The following EFHB variants were observed in gnomAD, a reference collection of about 807,000 sequenced individuals.
The protein encoded by EFHB is EF-hand domain-containing family member B.
A neutral mutation model predicts 87.2 loss-of-function variants in EFHB; 91 were observed. The ratio of observed to expected loss-of-function variants is 1.04; its 90% CI spans 0.88 to 1.24. EFHB has a LOEUF of 1.24. Ranked by LOEUF, EFHB falls within the 50% of genes most tolerant of loss-of-function variation. The pLI is 0.00. For missense variants in EFHB, 1,084 were observed against 998.8 expected (o/e 1.09, Z -1.15); for synonymous variants, 325 against 333.6 (o/e 0.97, Z 0.28).
chr3:19,925,641 T>C (rs1326674624), intron 1 of EFHB, among the ~76,000 whole-genome samples: 2 of 152,204 alleles, frequency 1.3e-5, no homozygotes, highest in African/African-American at 4.8e-5. Flanking sequence ...GACACCTTGC[T>C]TGGCCACCTC....
At chr3:19,896,169 G>T in intron 9 of EFHB, among the ~76,000 whole-genome samples, 1 of 152,134 alleles carries the variant, frequency 6.6e-6, no homozygotes, top group East Asian at 1.9e-4. Context: ...GCTACCCATT[G>T]CCCCTTGCTC....
chr3:19,905,530 A>G, intron 6 of EFHB, 90 bp downstream of exon 6: 4 of 1,364,764 alleles, frequency 2.9e-6, no homozygotes, highest in Middle Eastern at 2.4e-4. Flanking sequence ...TCATTTTATT[A>G]CCTCTTCAAA....
At chr3:19,921,052 T>C (rs371800962) in intron 1 of EFHB, among the ~76,000 whole-genome samples, 33 of 151,886 alleles carry the variant, frequency 2.2e-4, no homozygotes, top group East Asian at 7.7e-4. Context: ...CCTCCGAAAA[T>C]AAATAAATAA....
intron 9 of EFHB, among the ~76,000 whole-genome samples, chr3:19,889,488 A>C (rs1371378990): frequency 2.0e-5 from 3 of 152,200 alleles, no homozygotes; most frequent in African/African-American, 7.2e-5. Flanking sequence ...TCCCAAGAGG[A>C]ATCATAAATG....
intron 5 of EFHB, among the ~76,000 whole-genome samples, chr3:19,913,257 A>T (rs74606853): frequency 0.017 from 2,515 of 152,312 alleles, 65 homozygotes; most frequent in African/African-American, 0.056. Context: ...AAGAGGCCAA[A>T]TTACCCTTAT....
At chr3:19,941,356 G>A (rs553487701) in intron 1 of EFHB, 1 of 181,724 alleles carries the variant, frequency 5.5e-6, no homozygotes, top group East Asian at 1.6e-4. Context: ...GCTCAAGAAA[G>A]AGTGTACTTA....
At chr3:19,918,061 C>T (rs189219316) in intron 4 of EFHB, among the ~76,000 whole-genome samples, 171 bp downstream of exon 4, 3 of 152,304 alleles carry the variant, frequency 2.0e-5, no homozygotes, top group African/African-American at 4.8e-5. Flanking sequence ...CATACATACA[C>T]GTCAAGGATT....
At chr3:19,889,312 G>A (rs1694219857) in intron 9 of EFHB, among the ~76,000 whole-genome samples, 1 of 152,164 alleles carries the variant, frequency 6.6e-6, no homozygotes, top group East Asian at 1.9e-4. Flanking sequence ...GTCAACAGCT[G>A]GGACATCTTA....
chr3:19,900,014 A>C (rs1694617497), intron 6 of EFHB, among the ~76,000 whole-genome samples: 1 of 152,202 alleles, frequency 6.6e-6, no homozygotes, highest in Non-Finnish European at 1.5e-5. Flanking sequence ...CTGAGGTTGC[A>C]GTGAGCTGAG....
At chr3:19,915,683 G>A (rs915413322) in intron 4 of EFHB, among the ~76,000 whole-genome samples, 1 of 151,872 alleles carries the variant, frequency 6.6e-6, no homozygotes, top group South Asian at 2.1e-4. Flanking sequence ...ACTTTGGGAG[G>A]CCAAGGAGGG....
Position 19,888,596 on chromosome 3 carries a change from T to G in EFHB, c.1781A>C (p.Asn594Thr), listed in dbSNP as rs1027670980. The change falls in exon 10 of 13, where the codon AAC (asparagine) becomes ACC (threonine). Residue 594 changes from asparagine to threonine, a missense_variant. Physicochemically the swap from Asn to Thr is moderately conservative, Grantham distance 65. Coordinates refer to ENST00000295824, the MANE Select transcript of EFHB (RefSeq NM_144715.4). Reference protein sequence around the residue: ...DELQEACDQANLSLDDKLLDQ... With the variant: ...DELQEACDQATLSLDDKLLDQ... ...CAGGAGCTTGTCATCTAAACTCAAG[T>G]TGGCCTGGTCACAAGCTTCCTGCAG... The G allele has an allele frequency of 7.5e-6, 12 of 1,607,486 alleles. No individual in the cohort carries two copies. Among genetic ancestry groups the G allele is most frequent in the Non-Finnish European group, 1.0e-5 (12 of 1,176,712 alleles).
chr3:19,926,666 T>TTTATTTC (rs1334200231), intron 1 of EFHB, among the ~76,000 whole-genome samples: 1 of 91,468 alleles, frequency 1.1e-5, no homozygotes, highest in African/African-American at 4.6e-5. Context: ...AGCCTGCTTT[T>TTTATTTC]TTATTTTTAT....
rs1157004030 is a variant in EFHB, at chr3:19,882,809, A to G, written c.2147-78T>C. 3.9e-6 allele frequency: 5 copies of G among 1,268,822 alleles called. No individual in the cohort carries two copies. In the Admixed American group the frequency reaches 1.1e-4, roughly 27 times the overall value. The allele number at this position is 1,268,822 out of a possible 1,614,324, so 78.6% of individuals were successfully genotyped here. On this transcript the variant is annotated intron_variant, in intron 11 of 12. Coordinates refer to ENST00000295824, the MANE Select transcript of EFHB (RefSeq NM_144715.4). ...CACAGTAGCCACCAGTCACATGTGC[A>G]TACTGAGCACTTAAAATGTAGCTAG...
upstream of EFHB, chr3:19,936,335 C>T (rs115227010): frequency 5.6e-3 from 2,164 of 384,936 alleles, 39 homozygotes; most frequent in African/African-American, 0.072. Context: ...GGGCGACAGA[C>T]TGAAAAAAAA....
At chr3:19,939,685 TG>T (rs1696112461) in intron 1 of EFHB, among the ~76,000 whole-genome samples, 2 of 151,950 alleles carry the variant, frequency 1.3e-5, no homozygotes, top group African/African-American at 4.8e-5. Context: ...CACCCGCCCA[TG>T]GGTCTCCCTC....
chr3:19,915,978 C>CA (rs936306791), intron 4 of EFHB, among the ~76,000 whole-genome samples: 15 of 149,904 alleles, frequency 1.0e-4, no homozygotes, highest in East Asian at 7.9e-4. Flanking sequence ...ACTTTCATCT[C>CA]AAAAAAAAAC....
chr3:19,884,353 CAG>C, intron 11 of EFHB, 48 bp downstream of exon 11: 3 of 1,537,748 alleles, frequency 2.0e-6, no homozygotes, highest in Non-Finnish European at 2.7e-6. Flanking sequence ...CAAGGACAGA[CAG>C]AGGACAGTTT....
intron 6 of EFHB, among the ~76,000 whole-genome samples, chr3:19,899,934 G>A (rs893889751): frequency 5.3e-5 from 8 of 151,960 alleles, no homozygotes; most frequent in South Asian, 4.1e-4. Flanking sequence ...CTAGCTGGGC[G>A]TGGTGGCATG....
Position 19,940,518 on chromosome 3 carries a change from CTCATCT to C in EFHB, c.-31-4190_-31-4185del, listed in dbSNP as rs1243326288. ...CATCGTGAATCTTGCCTTGAAGTTTCTCATCTTCAACAGTTGCTTCCATGTTGAATT... is the reference window on the plus strand; with the variant it reads ...CATCGTGAATCTTGCCTTGAAGTTTCTCAACAGTTGCTTCCATGTTGAATT... On this transcript the variant is annotated intron_variant, in intron 1 of 14. Coordinates refer to the EFHB transcript ENST00000344838. 9.9e-6 allele frequency: 5 copies of C among 506,584 alleles called. No homozygotes were observed. The East Asian group carries it at 1.7e-4, about 17-fold the overall frequency. The allele number at this position is 506,584 out of a possible 1,614,324, so 31.4% of individuals were successfully genotyped here.
Sources: gnomAD v4.1 joint callset for allele counts (sites outside exome capture counted in the v4.1 genomes callset) on GRCh38, gnomAD v4.1.1 for gene constraint, MANE v1.5 for transcripts, NCBI Gene and HGNC (gene_info 2026-07-23, HGNC 2026-07-21) for gene names.